The following RABEPK variants were observed in gnomAD, a reference collection of about 807,000 sequenced individuals.
RABEPK encodes the protein Rab9 effector protein with kelch motifs.
A neutral mutation model predicts 34.1 loss-of-function variants in RABEPK; 27 were observed. The ratio of observed to expected loss-of-function variants is 0.79; its 90% CI spans 0.58 to 1.09. The LOEUF (loss-of-function observed/expected upper bound fraction) is 1.09, where lower values mean the gene tolerates loss of function less well. Ranked by LOEUF, RABEPK falls within the 50% of genes least tolerant of loss-of-function variation. The pLI is 0.00. For missense variants in RABEPK, 449 were observed against 462.6 expected (o/e 0.97, Z 0.27); for synonymous variants, 172 against 169.2 (o/e 1.02, Z -0.13).
At chr9:125,231,959 G>A (rs1275248418) in intron 6 of RABEPK, among the ~76,000 whole-genome samples, 2 of 145,772 alleles carry the variant, frequency 1.4e-5, no homozygotes, top group African/African-American at 5.1e-5. Context: ...GAGTGCAATG[G>A]TGTGATCTCA....
At chr9:125,228,805 T>TC (rs747587315) in intron 6 of RABEPK, among the ~76,000 whole-genome samples, 107 of 145,834 alleles carry the variant, frequency 7.3e-4, no homozygotes, top group Non-Finnish European at 1.3e-3. Flanking sequence ...CTACTAAAAA[T>TC]AAAAAAAATT....
chr9:125,227,844 G>T, intron 5 of RABEPK, 66 bp from the exon 6 acceptor site: 39 of 1,446,876 alleles, frequency 2.7e-5, no homozygotes, highest in East Asian at 1.0e-4. Context: ...ACAGAGGCTT[G>T]GGCCTGTTTC....
rs573529490 is a variant in RABEPK at position 125,219,277 on chromosome 9, G to A, written c.365-1262G>A. ...AATGGCACGATCATAGTTCATTGCAGCCTCAAACTCCTGGGCTCAAGCAAT... is the reference window on the plus strand; with the variant it reads ...AATGGCACGATCATAGTTCATTGCAACCTCAAACTCCTGGGCTCAAGCAAT... On this transcript the variant is annotated intron_variant, in intron 4 of 7. Transcript: ENST00000373538. 9.5e-4 allele frequency among the ~76,000 whole-genome samples: 140 copies of A among 147,358 alleles called. 1 individual carries two copies. Among genetic ancestry groups the A allele is most frequent in the South Asian group, 2.3e-3 (11 of 4,720 alleles).
intron 2 of RABEPK, 93 bp downstream of exon 2, chr9:125,203,159 G>T (rs550721419): frequency 1.8e-6 from 2 of 1,111,144 alleles, no homozygotes; most frequent in Admixed American, 1.9e-5. Context: ...ACAAAAAGGG[G>T]TAGAGATGAA....
At chr9:125,231,078 G>A (rs994356544) in intron 6 of RABEPK, among the ~76,000 whole-genome samples, 2 of 151,914 alleles carry the variant, frequency 1.3e-5, no homozygotes, top group Non-Finnish European at 2.9e-5. Context: ...CGAGGTGGAC[G>A]GATCACCTGA....
At chr9:125,224,213 CAAAA>C (rs904628663) in intron 5 of RABEPK, among the ~76,000 whole-genome samples, 3 of 117,390 alleles carry the variant, frequency 2.6e-5, no homozygotes, top group Non-Finnish European at 5.7e-5. Flanking sequence ...AAAAACAAAA[CAAAA>C]AAAAAAAACA....
intron 2 of RABEPK, among the ~76,000 whole-genome samples, chr9:125,206,855 C>T (rs1446658424): frequency 6.6e-6 from 1 of 152,082 alleles, no homozygotes; most frequent in African/African-American, 2.4e-5. Context: ...TTTGGGAAGC[C>T]GAGGCGGGCG....
At chr9:125,231,300 A>G (rs1251616532) in intron 6 of RABEPK, among the ~76,000 whole-genome samples, 4 of 151,952 alleles carry the variant, frequency 2.6e-5, no homozygotes, top group Non-Finnish European at 5.9e-5. Flanking sequence ...TCTCAAAAGA[A>G]AAAAAAATGC....
In RABEPK at chr9:125,208,435, C is replaced by T. The variant is rs151179015; in HGVS notation, c.211+714C>T. On this transcript the variant is annotated intron_variant, in intron 3 of 7. Transcript: ENST00000373538. The stretch of plus-strand genomic sequence containing the variant: ...TTGCCCAGGCTGGAGTGCAATGGCG[C>T]GATCTTCACTCATTGCAACCTCTGC... 4.7e-3 allele frequency among the ~76,000 whole-genome samples: 711 copies of T among 152,074 alleles called. 3 individuals are homozygous for T. Among genetic ancestry groups the T allele is most frequent in the Middle Eastern group, 0.02 (6 of 294 alleles).
chr9:125,233,991 A>G lies in RABEPK; in HGVS notation c.*11A>G. The G allele has an allele frequency of 6.4e-7, 1 of 1,571,542 alleles. No homozygotes were observed. Among genetic ancestry groups the G allele is most frequent in the Non-Finnish European group, 8.7e-7 (1 of 1,147,250 alleles). ...ACTGTAGTGGACTAATAAAACCCAC[A>G]TTTTTATTACCTGTCAGTTACTTTC... is the stretch of plus-strand genomic sequence containing the variant. On this transcript the variant is annotated 3_prime_UTR_variant, in exon 8 of 8. Coordinates refer to ENST00000373538, the MANE Select transcript of RABEPK (RefSeq NM_005833.4).
chr9:125,207,212 CCAGAT>C (rs1830281136), intron 2 of RABEPK, among the ~76,000 whole-genome samples: 2 of 152,066 alleles, frequency 1.3e-5, no homozygotes, highest in South Asian at 4.1e-4. Flanking sequence ...CGAATTTGAA[CCAGAT>C]CTGTCTGAAT....
chr9:125,228,118 T>G, intron 6 of RABEPK, 59 bp downstream of exon 6: 1 of 1,276,868 alleles, frequency 7.8e-7, no homozygotes, highest in Non-Finnish European at 1.0e-6. Flanking sequence ...ATTTATTTAT[T>G]TTTAGACAGG....
At chr9:125,218,021 C>T (rs1020496166) in intron 4 of RABEPK, among the ~76,000 whole-genome samples, 1 of 151,904 alleles carries the variant, frequency 6.6e-6, no homozygotes, top group Non-Finnish European at 1.5e-5. Flanking sequence ...TCTGATAGAA[C>T]TGAGTTCAGG....
intron 2 of RABEPK, among the ~76,000 whole-genome samples, chr9:125,203,680 A>G (rs948906619): frequency 2.0e-5 from 3 of 152,162 alleles, no homozygotes; most frequent in Admixed American, 2.0e-4. Flanking sequence ...AATACAGCCA[A>G]TCATGGCATT....
intron 5 of RABEPK, chr9:125,221,861 G>T (rs1831362009): frequency 1.3e-5 from 2 of 151,968 alleles, no homozygotes; most frequent in African/African-American, 4.8e-5. Context: ...GTTTTTAGTA[G>T]AGACAGGGTT....
intron 1 of RABEPK, among the ~76,000 whole-genome samples, chr9:125,201,750 A>T (rs1829917204): frequency 6.6e-6 from 1 of 151,724 alleles, no homozygotes; most frequent in South Asian, 2.1e-4. Context: ...AGTAGCTGGG[A>T]CTACAGGCGT....
At chr9:125,203,176 T>G in intron 2 of RABEPK, 110 bp downstream of exon 2, 1 of 875,854 alleles carries the variant, frequency 1.1e-6, no homozygotes, top group Non-Finnish European at 1.8e-6. Flanking sequence ...TGAAACTGTC[T>G]GCAGTTTCTG....
intron 5 of RABEPK, among the ~76,000 whole-genome samples, chr9:125,224,498 G>T (rs1262881827): frequency 6.7e-6 from 1 of 148,632 alleles, no homozygotes; most frequent in Non-Finnish European, 1.5e-5. Context: ...TGTTGCCCAG[G>T]CTGGAGTGCA....
chr9:125,224,492 G>T (rs1207049060), intron 5 of RABEPK, among the ~76,000 whole-genome samples: 3 of 135,832 alleles, frequency 2.2e-5, no homozygotes, highest in Non-Finnish European at 4.6e-5. Context: ...ACGCTCTGTT[G>T]CCCAGGCTGG....
Sources: gnomAD v4.1 joint callset for allele counts (sites outside exome capture counted in the v4.1 genomes callset) on GRCh38, gnomAD v4.1.1 for gene constraint, MANE v1.5 for transcripts, NCBI Gene and HGNC (gene_info 2026-07-23, HGNC 2026-07-21) for gene names.